The following SART1 variants were observed in gnomAD, a reference collection of about 807,000 sequenced individuals.
The protein encoded by SART1 is spliceosome associated factor 1, recruiter of U4/U6.U5 tri-snRNP, also known as U4/U6.U5 tri-snRNP-associated protein 1.
A neutral mutation model predicts 105.0 loss-of-function variants in SART1; 28 were observed. The ratio of observed to expected loss-of-function variants is 0.27; its 90% CI spans 0.20 to 0.37. SART1 has a LOEUF of 0.37. Among genes scored for constraint, SART1 ranks in the 10% least tolerant of loss-of-function variants. SART1 has a pLI of 1.00. For synonymous variants in SART1, 472 were observed against 462.9 expected (o/e 1.02, Z -0.25); for missense variants, 894 against 1,106.5 (o/e 0.81, Z 2.72).
intron 12 of SART1, among the ~76,000 whole-genome samples, chr11:65,970,063 C>T (rs1003459803): frequency 3.9e-5 from 6 of 152,164 alleles, no homozygotes; most frequent in Non-Finnish European, 8.8e-5. Flanking sequence ...ACCCCACACA[C>T]TGTGCAGGCA....
At chr11:65,963,477 T>G (rs894645506) in intron 1 of SART1, among the ~76,000 whole-genome samples, 4 of 151,618 alleles carry the variant, frequency 2.6e-5, no homozygotes, top group African/African-American at 7.3e-5. Flanking sequence ...AAGAGTTTTT[T>G]TTTTGTTTTG....
At position 65,965,811 on chromosome 11, in the gene SART1, A is replaced by G. The variant is rs201806167; in HGVS notation, c.738+32A>G. ...CTGCAGCAGGGGTGGTACAGGGGACACTGGTGGCCTTGCTACCGGAATCCC... is the reference window on the plus strand; with the variant it reads ...CTGCAGCAGGGGTGGTACAGGGGACGCTGGTGGCCTTGCTACCGGAATCCC... On this transcript the variant is annotated intron_variant, in intron 6 of 19. Coordinates refer to ENST00000312397, the MANE Select transcript of SART1 (RefSeq NM_005146.5). 6.8e-5 allele frequency: 109 copies of G among 1,613,546 alleles called. No individual in the cohort carries two copies. In the African/African-American group the frequency reaches 1.3e-3, roughly 19 times the overall value.
In SART1 at chr11:65,976,040, G is replaced by A. The variant is rs78162580; in HGVS notation, c.1573-355G>A. 0.014 allele frequency among the ~76,000 whole-genome samples: 2,174 copies of A among 152,190 alleles called. 79 individuals are homozygous for A. The East Asian group carries it at 0.15, about 11-fold the overall frequency. On this transcript the variant is annotated intron_variant, in intron 12 of 19. Transcript: ENST00000312397. This position sits in a 1 kb window ranked among gnomAD's most constrained non-coding sequence, Gnocchi z 5.1. The stretch of plus-strand genomic sequence containing the variant: ...AGTGCTGTCTAGAGTCCTGAAACCG[G>A]AGTTTGTCGGGGGAGGGGCAGGTGG...
intron 12 of SART1, among the ~76,000 whole-genome samples, chr11:65,975,430 T>TTC (rs775371135): frequency 3.1e-4 from 46 of 148,110 alleles, no homozygotes; most frequent in African/African-American, 9.1e-4. Context: ...TTTTTTTTTT[T>TTC]CGAGACGGGG....
In SART1 at chr11:65,977,024, C is replaced by A; in HGVS notation, c.1868C>A (p.Ser623Tyr). The A allele has an allele frequency of 6.2e-7, 1 of 1,613,660 alleles. No individual in the cohort carries two copies. The highest frequency in any genetic ancestry group is 8.5e-7 in the Non-Finnish European group (1 of 1,179,656). The change falls in exon 15 of 20, where the codon TCC (serine) becomes TAC (tyrosine). Residue 623 changes from serine to tyrosine, a missense_variant. Coordinates refer to ENST00000312397, the MANE Select transcript of SART1 (RefSeq NM_005146.5). ...CCACGTGTCCCGTAGTTCTCTGCTTCCTCCACCACCATCCTGGACGAGGAA... is the reference window on the plus strand; with the variant it reads ...CCACGTGTCCCGTAGTTCTCTGCTTACTCCACCACCATCCTGGACGAGGAA... ...EEKQQQDFSA[S>Y]STTILDEEPI...
chr11:65,967,880 T>C, intron 12 of SART1, 59 bp downstream of exon 12: 4 of 1,374,508 alleles, frequency 2.9e-6, no homozygotes, highest in Non-Finnish European at 3.9e-6. Flanking sequence ...CACGAGCACC[T>C]GTGTCATAGG....
rs4930331 is a variant in SART1 at position 65,967,074 on chromosome 11, C to T, written c.1189-185C>T. Among the ~76,000 whole-genome samples the T allele has an allele frequency of 4.8e-3, 736 of 152,192 alleles. 28 individuals carry two copies. The East Asian group carries it at 0.1, about 21-fold the overall frequency. On this transcript the variant is annotated intron_variant, in intron 9 of 19. Transcript: ENST00000312397. Reference sequence around the variant, plus strand: ...GGGGAAGGTACTTAACCTCCCTGTGCCCCAGTTTCCCTAGCTCACCAGTGG... The same window carrying T: ...GGGGAAGGTACTTAACCTCCCTGTGTCCCAGTTTCCCTAGCTCACCAGTGG...
chr11:65,976,751 G>A lies in SART1; in HGVS notation c.1842G>A (p.Glu614=). 6.2e-7 allele frequency: 1 copy of A among 1,610,968 alleles called. No individual in the cohort carries two copies. Residue 614 remains glutamate, a synonymous_variant, in exon 14 of 20, where the codon GAG becomes GAA. Coordinates refer to ENST00000312397, the MANE Select transcript of SART1 (RefSeq NM_005146.5). The surrounding 1 kb of genome is among the most constrained non-coding windows in gnomAD (Gnocchi z 5.1). The part of the protein sequence containing the change: ...IGWSTVNLDE[E]KQQQDFSASS... Reference sequence around the variant, plus strand: ...GGAGCACGGTGAACCTGGACGAGGAGAAGCAGCAGCAGGATGTGAGGGCCG... The same window carrying A: ...GGAGCACGGTGAACCTGGACGAGGAAAAGCAGCAGCAGGATGTGAGGGCCG...
In SART1 at chr11:65,978,493, G is replaced by A; in HGVS notation, c.2173-107G>A. 2.8e-6 allele frequency: 3 copies of A among 1,075,148 alleles called. No individual in the cohort carries two copies. 66.6% of individuals were successfully genotyped at this position (1,075,148 alleles called of 1,614,324 possible). A position where few individuals can be genotyped will look rare whatever the true frequency, so the allele number is the denominator to read the frequency against. On this transcript the variant is annotated intron_variant, in intron 17 of 19. Transcript: ENST00000312397. This position sits in a 1 kb window ranked among gnomAD's most constrained non-coding sequence, Gnocchi z 6.8. ...CCCTTCCCACTGCACCCCAGGCCTG[G>A]CATTGGGGTCAATCAACACCCGCCC... is the stretch of plus-strand genomic sequence containing the variant.
rs780965331 is a variant in SART1, at chr11:65,964,588, G to A, written c.427+18G>A. 6.2e-7 allele frequency: 1 copy of A among 1,600,972 alleles called. No individual in the cohort carries two copies. Among genetic ancestry groups the A allele is most frequent in the Non-Finnish European group, 8.5e-7 (1 of 1,176,500 alleles). On this transcript the variant is annotated intron_variant, in intron 3 of 19. Transcript: ENST00000312397. ...CAAGAAGGGTGAGTATGGGGCTGAG[G>A]ATAGGGTTTGGGGGAAAGAGGCCAT... is the stretch of plus-strand genomic sequence containing the variant.
At chr11:65,974,967 G>C (rs968486942) in intron 12 of SART1, among the ~76,000 whole-genome samples, 4 of 152,080 alleles carry the variant, frequency 2.6e-5, no homozygotes, top group African/African-American at 7.2e-5. Flanking sequence ...GTGAACCCAG[G>C]AGGCGGAGCT....
intron 2 of SART1, 184 bp from the exon 3 acceptor site, chr11:65,964,331 C>A: frequency 2.4e-6 from 2 of 839,798 alleles, no homozygotes; most frequent in Non-Finnish European, 3.9e-6. Flanking sequence ...AGACGCAGAC[C>A]AGGCTGGTGC....
chr11:65,967,426 G>C, intron 10 of SART1, 43 bp downstream of exon 10: 4 of 1,613,750 alleles, frequency 2.5e-6, no homozygotes, highest in Non-Finnish European at 3.4e-6. Flanking sequence ...CTGGGCTGGG[G>C]TGGCCTGGGG....
Position 65,978,566 on chromosome 11 carries a change from G to A in SART1, c.2173-34G>A, listed in dbSNP as rs1174143996. The A allele has an allele frequency of 6.5e-7, 1 of 1,549,322 alleles. No homozygotes were observed. Among genetic ancestry groups the A allele is most frequent in the Non-Finnish European group, 8.7e-7 (1 of 1,145,950 alleles). On this transcript the variant is annotated intron_variant, in intron 17 of 19. Coordinates refer to ENST00000312397, the MANE Select transcript of SART1 (RefSeq NM_005146.5). This position sits in a 1 kb window ranked among gnomAD's most constrained non-coding sequence, Gnocchi z 6.8. ...ACAGGTGGCTCCGGCCCCACCCAGGGCCCTGCATCTCCTCTCATGCCCCGC... is the reference window on the plus strand; with the variant it reads ...ACAGGTGGCTCCGGCCCCACCCAGGACCCTGCATCTCCTCTCATGCCCCGC...
intron 10 of SART1, 27 bp from the exon 11 acceptor site, chr11:65,967,444 C>T (rs1187607931): frequency 1.9e-6 from 3 of 1,613,730 alleles, no homozygotes; most frequent in South Asian, 2.2e-5. Flanking sequence ...GGGACCGGTG[C>T]TCACCAGAGA....
chr11:65,978,610 A>G lies in SART1; in HGVS notation c.2183A>G (p.Gln728Arg). The G allele has an allele frequency of 6.4e-7, 1 of 1,564,378 alleles. No individual in the cohort carries two copies. The highest frequency in any genetic ancestry group is 2.4e-5 in the East Asian group (1 of 41,828). Residue 728 changes from glutamine to arginine, a missense_variant, in exon 18 of 20, where the codon CAG becomes CGG. Physicochemically the swap from Gln to Arg is conservative, Grantham distance 43. Transcript: ENST00000312397. This position sits in a 1 kb window ranked among gnomAD's most constrained non-coding sequence, Gnocchi z 6.8. ...GCCCCGCGTCCCCAGGCTTTCCGGC[A>G]GCTGTCGCACCGCTTCCATGGCAAG... ...RKLTPKEAFR[Q>R]LSHRFHGKGS...
intron 12 of SART1, 146 bp downstream of exon 12, chr11:65,967,967 T>C (rs1348209848): frequency 2.7e-5 from 15 of 545,506 alleles, no homozygotes; most frequent in Admixed American, 1.9e-4. Flanking sequence ...TTTTTTTTTT[T>C]GAGACAGAGT....
In SART1 at chr11:65,977,988, C is replaced by G. The variant is rs1855519091; in HGVS notation, c.2172+89C>G. On this transcript the variant is annotated intron_variant, in intron 17 of 19. Transcript: ENST00000312397. ...GCAATGCCCCGGGCCATGCAATGCC[C>G]CAGGGTCCTGGCTCCACCAGCCTCT... The G allele has an allele frequency of 2.1e-6, 3 of 1,425,080 alleles. No individual in the cohort carries two copies. In the East Asian group the frequency reaches 7.3e-5, roughly 35 times the overall value. The allele number at this position is 1,425,080 out of a possible 1,614,324, so 88.3% of individuals were successfully genotyped here. A position where few individuals can be genotyped will look rare whatever the true frequency, so the allele number is the denominator to read the frequency against.
At chr11:65,962,118 G>C in intron 1 of SART1, 25 bp downstream of exon 1, 1 of 1,105,558 alleles carries the variant, frequency 9.0e-7, no homozygotes, top group Non-Finnish European at 1.2e-6. Flanking sequence ...CCTGCGCAGG[G>C]GGCGGGTCGG....
Sources: gnomAD v4.1 joint callset for allele counts (sites outside exome capture counted in the v4.1 genomes callset) on GRCh38, gnomAD v4.1.1 for gene constraint, Gnocchi (gnomAD v3.1) non-coding constraint, MANE v1.5 for transcripts, NCBI Gene and HGNC (gene_info 2026-07-23, HGNC 2026-07-21) for gene names.